SUDS3: variants seen among roughly 807,000 people sequenced by gnomAD.
The protein encoded by SUDS3 is SIN3A corepressor complex component SDS3, also known as sin3 histone deacetylase corepressor complex component SDS3.
Under a neutral mutation model 53.5 loss-of-function variants are expected in SUDS3, and 23 were observed. That is an observed-to-expected ratio of 0.43 (90% CI 0.31 to 0.61). The LOEUF (loss-of-function observed/expected upper bound fraction) is 0.61, where lower values mean the gene tolerates loss of function less well. SUDS3 is among the 20% of genes least tolerant of loss of function. SUDS3 has a pLI of 0.10. For synonymous variants in SUDS3, 150 were observed against 148.5 expected, an observed-to-expected ratio of 1.01 and a Z score of -0.08; for missense variants, 291 against 405.9, an observed-to-expected ratio of 0.72 and a Z score of 2.43.
intron 2 of SUDS3, 94 bp from the exon 3 acceptor site, chr12:118,383,918 C>T: frequency 8.6e-7 from 1 of 1,162,490 alleles, no homozygotes. Flanking sequence ...TAATGACCTT[C>T]CCATAACAGC....
intron 10 of SUDS3, among the ~76,000 whole-genome samples, chr12:118,405,700 T>G (rs1220433501): frequency 6.6e-6 from 1 of 152,244 alleles, no homozygotes; most frequent in Non-Finnish European, 1.5e-5. Flanking sequence ...AAGGTGGGTC[T>G]CCCTCTTCCC....
rs755064048 is a variant in SUDS3 at position 118,391,106 on chromosome 12, C to T, written c.361-20C>T. ...CTCCCAGGGCTGTGTACTCCCAGCC[C>T]GTGTTTCTCTTTTGCTCAGACTGAA... On this transcript the variant is annotated intron_variant, in intron 5 of 11. Transcript: ENST00000543473. 20 of 1,611,218 alleles carry T rather than the reference C, an allele frequency of 1.2e-5. No individual in the cohort carries two copies. The highest frequency in any genetic ancestry group is 4.5e-5 in the East Asian group (2 of 44,860).
rs61943404 is a variant in SUDS3, at chr12:118,402,062, G to A, written c.697+58G>A. Reference sequence around the variant, plus strand: ...CTTTTTATCATGTTGTTGGAAAAGGGTGTGAATACCTGTCAGGAAATGGTT... The same window carrying A: ...CTTTTTATCATGTTGTTGGAAAAGGATGTGAATACCTGTCAGGAAATGGTT... On this transcript the variant is annotated intron_variant, in intron 9 of 11. Coordinates refer to ENST00000543473, the MANE Select transcript of SUDS3 (RefSeq NM_022491.3). The A allele has an allele frequency of 0.14, 229,322 of 1,593,492 alleles. 18,018 individuals are homozygous for A. Among genetic ancestry groups the A allele is most frequent in the Non-Finnish European group, 0.16 (188,932 of 1,162,266 alleles).
chr12:118,383,169 G>A (rs1224191203), intron 2 of SUDS3, among the ~76,000 whole-genome samples: 5 of 152,120 alleles, frequency 3.3e-5, no homozygotes, highest in Admixed American at 2.0e-4. Context: ...AGGTTATCAC[G>A]CCCATGTGCT....
Position 118,409,326 on chromosome 12 carries a change from T to C in SUDS3, c.804-1747T>C, listed in dbSNP as rs973804570. 2.0e-4 allele frequency among the ~76,000 whole-genome samples: 30 copies of C among 152,096 alleles called. 1 individual carries two copies. Among genetic ancestry groups the C allele is most frequent in the Admixed American group, 2.0e-3 (30 of 15,264 alleles). ...CACTCCCGGCTAATTTTTGTGTTTT[T>C]AGTAGAGATGGGGTTTCACCATGTT... is the stretch of plus-strand genomic sequence containing the variant. On this transcript the variant is annotated intron_variant, in intron 10 of 11. Coordinates refer to ENST00000543473, the MANE Select transcript of SUDS3 (RefSeq NM_022491.3).
chr12:118,391,133 A>G lies in SUDS3; in HGVS notation c.368A>G (p.Gln123Arg). 1 of 1,613,114 alleles carries G rather than the reference A, an allele frequency of 6.2e-7. No homozygotes were observed. Among genetic ancestry groups the G allele is most frequent in the Non-Finnish European group, 8.5e-7 (1 of 1,179,698 alleles). ...TGTTTCTCTTTTGCTCAGACTGAAC[A>G]AGTGGAACGAAATTACATTAAAGAA... ...AELFLQLETE[Q>R]VERNYIKEKK... The change falls in exon 6 of 12, where the codon CAA (glutamine) becomes CGA (arginine). Residue 123 changes from glutamine (Q) to arginine (R), a missense_variant. This residue lies in a region of SUDS3 where 55 missense variants were observed against 124.2 expected (regional missense o/e 0.44). Transcript: ENST00000543473.
rs373735232 is a variant in SUDS3, at chr12:118,403,449, C to T, written c.735C>T (p.Pro245=). ...PSSPEHLPAT[P]AESPAQRFEA... ...CTCCTGAGCACTTGCCTGCAACACC[C>T]GCGGAATCTCCAGCCCAGAGGTTCG... is the stretch of plus-strand genomic sequence containing the variant. The change falls in exon 10 of 12, where the codon CCC becomes CCT. Residue 245 remains proline, a synonymous_variant. Transcript: ENST00000543473. 178 of 1,613,734 alleles carry T rather than the reference C, an allele frequency of 1.1e-4. No homozygotes were observed. Among genetic ancestry groups the T allele is most frequent in the South Asian group, 8.0e-4 (73 of 90,942 alleles).
At chr12:118,405,202 C>G (rs2046299107) in intron 10 of SUDS3, among the ~76,000 whole-genome samples, 1 of 152,106 alleles carries the variant, frequency 6.6e-6, no homozygotes, top group East Asian at 1.9e-4. Context: ...AAGATCAAGC[C>G]CACACATAAG....
At chr12:118,414,042 A>G (rs116382550) in intron 11 of SUDS3, among the ~76,000 whole-genome samples, 65 of 152,350 alleles carry the variant, frequency 4.3e-4, no homozygotes, top group African/African-American at 1.5e-3. Flanking sequence ...CATCTTTAAG[A>G]TCAAGGCAGA....
intron 1 of SUDS3, among the ~76,000 whole-genome samples, chr12:118,377,684 G>T (rs1188474499): frequency 1.7e-4 from 26 of 152,152 alleles, no homozygotes; most frequent in Admixed American, 1.7e-3. Context: ...TATTTTGGAG[G>T]GATGGAGGAG....
intron 2 of SUDS3, among the ~76,000 whole-genome samples, chr12:118,380,576 C>T (rs2046047856): frequency 6.6e-6 from 1 of 152,226 alleles, no homozygotes; most frequent in African/African-American, 2.4e-5. Flanking sequence ...AATTTCTCCA[C>T]TTTAAATTAA....
chr12:118,406,090 A>G (rs2046306143), intron 10 of SUDS3, among the ~76,000 whole-genome samples: 1 of 152,192 alleles, frequency 6.6e-6, no homozygotes, highest in Non-Finnish European at 1.5e-5. Context: ...ATTCTATATC[A>G]TGCTATGTAA....
intron 10 of SUDS3, among the ~76,000 whole-genome samples, chr12:118,406,583 G>T (rs914128979): frequency 6.6e-6 from 1 of 152,038 alleles, no homozygotes; most frequent in Non-Finnish European, 1.5e-5. Context: ...AGATTCCCAG[G>T]TCAGAATTTC....
chr12:118,396,941 G>T (rs141588933), intron 6 of SUDS3, among the ~76,000 whole-genome samples: 1,564 of 152,278 alleles, frequency 0.01, 18 homozygotes, highest in African/African-American at 0.035. Context: ...CTAGTGAGTA[G>T]AACAGGAGGA....
At chr12:118,405,062 G>C (rs2046297883) in intron 10 of SUDS3, among the ~76,000 whole-genome samples, 1 of 152,172 alleles carries the variant, frequency 6.6e-6, no homozygotes, top group Non-Finnish European at 1.5e-5. Context: ...AGAAAGGTCG[G>C]TTTGTGTTAT....
At chr12:118,390,970 TC>T (rs2046161511) in intron 5 of SUDS3, 155 bp from the exon 6 acceptor site, 1 of 853,816 alleles carries the variant, frequency 1.2e-6, no homozygotes, top group Admixed American at 2.0e-5. Context: ...TTTTATACCC[TC>T]GCTGGAAAGC....
chr12:118,383,598 A>G (rs1871402725), intron 2 of SUDS3, among the ~76,000 whole-genome samples: 1 of 152,266 alleles, frequency 6.6e-6, no homozygotes, highest in Non-Finnish European at 1.5e-5. Flanking sequence ...ATAGAAAAAC[A>G]TGCTGAAGGC....
intron 10 of SUDS3, among the ~76,000 whole-genome samples, chr12:118,410,555 C>CTTTATTTATTTATTTATTTA (rs767637189): frequency 6.7e-6 from 1 of 148,894 alleles, no homozygotes; most frequent in South Asian, 2.2e-4. Flanking sequence ...GGATGGAAGC[C>CTTTATTTATTTATTTATTTA]TTTATTTATT....
At chr12:118,389,512 ATTT>A (rs574911562) in intron 4 of SUDS3, among the ~76,000 whole-genome samples, 3 of 136,120 alleles carry the variant, frequency 2.2e-5, no homozygotes, top group African/African-American at 2.7e-5. Flanking sequence ...TCAGGGCCAC[ATTT>A]TTTTTTTTTT....
Sources: gnomAD v4.1 joint callset for allele counts (sites outside exome capture counted in the v4.1 genomes callset) on GRCh38, gnomAD v4.1.1 for gene constraint, gnomAD v4.1.1 regional missense constraint, MANE v1.5 for transcripts, NCBI Gene and HGNC (gene_info 2026-07-23, HGNC 2026-07-21) for gene names.